The following CDK13 variants were observed in gnomAD, a reference collection of about 807,000 sequenced individuals.
CDK13 encodes cyclin-dependent kinase 13.
Under a neutral mutation model 137.6 loss-of-function variants are expected in CDK13, and 40 were observed. The ratio of observed to expected loss-of-function variants is 0.29; its 90% CI spans 0.23 to 0.38. CDK13 has a LOEUF of 0.38. CDK13 is among the 10% of genes least tolerant of loss of function. CDK13 has a pLI of 1.00. For missense variants in CDK13, 1,704 were observed against 1,951.8 expected (o/e 0.87, Z 2.39); for synonymous variants, 869 against 760.1 (o/e 1.14, Z -2.36).
chr7:40,003,099 T>G (rs1784719135), intron 5 of CDK13, among the ~76,000 whole-genome samples: 1 of 146,520 alleles, frequency 6.8e-6, no homozygotes, highest in Admixed American at 6.9e-5. Context: ...AGAAAAAGAT[T>G]AAAGTAGGTA....
At chr7:40,083,955 A>C (rs1053199922) in intron 11 of CDK13, among the ~76,000 whole-genome samples, 4 of 152,368 alleles carry the variant, frequency 2.6e-5, no homozygotes, top group African/African-American at 7.2e-5. Context: ...ATGAAGAAAT[A>C]CATGGTATTC....
chr7:39,994,952 T>G (rs1293264313), intron 2 of CDK13, among the ~76,000 whole-genome samples: 1 of 152,016 alleles, frequency 6.6e-6, no homozygotes, highest in African/African-American at 2.4e-5. Flanking sequence ...TGGAACTCTA[T>G]TAAATCTAAT....
intron 1 of CDK13, among the ~76,000 whole-genome samples, chr7:39,974,411 A>G (rs1257749868): frequency 1.3e-5 from 2 of 152,050 alleles, no homozygotes; most frequent in Non-Finnish European, 2.9e-5. Flanking sequence ...ATACGTGAAC[A>G]CGGGATGTCT....
chr7:39,966,446 A>G (rs1082024), intron 1 of CDK13, among the ~76,000 whole-genome samples: 151,335 of 152,328 alleles, frequency 0.99, 75,182 homozygotes, highest in East Asian at 1. Context: ...TTGTGCCTTG[A>G]TTTTCAGCTC....
At chr7:40,061,435 C>G (rs1786146344) in intron 7 of CDK13, 4 of 152,056 alleles carry the variant, frequency 2.6e-5, no homozygotes, top group Admixed American at 2.6e-4. Context: ...AGAAATTTGG[C>G]TGGATGGGGG....
At chr7:39,978,443 G>A (rs1167237938) in intron 1 of CDK13, among the ~76,000 whole-genome samples, 2 of 152,070 alleles carry the variant, frequency 1.3e-5, no homozygotes, top group African/African-American at 4.8e-5. Flanking sequence ...AGTGATTTGA[G>A]GATTGAAAGG....
intron 5 of CDK13, among the ~76,000 whole-genome samples, chr7:40,022,053 G>C (rs941648907): frequency 8.5e-5 from 13 of 152,172 alleles, no homozygotes; most frequent in Admixed American, 7.9e-4. Flanking sequence ...TATTTACTTA[G>C]GCAGCTCACT....
rs1320987388 is a variant in CDK13 at position 39,950,333 on chromosome 7, G to A, written c.-309G>A. 1.7e-6 allele frequency: 2 copies of A among 1,150,474 alleles called. No individual in the cohort carries two copies. Among genetic ancestry groups the A allele is most frequent in the Non-Finnish European group, 2.1e-6 (2 of 936,344 alleles). The allele number at this position is 1,150,474 out of a possible 1,614,324, so 71.3% of individuals were successfully genotyped here. ...CCCCCGGGGGCACTTGGAGGACTCG[G>A]GACTCCCCCGCAGGTCAGCGCCCGG... On this transcript the variant is annotated 5_prime_UTR_variant, in exon 1 of 14. Transcript: ENST00000181839.
chr7:39,950,312 CG>C lies in CDK13; in HGVS notation c.-325del. 4 of 1,113,052 alleles carry C rather than the reference CG, an allele frequency of 3.6e-6. No homozygotes were observed. Among genetic ancestry groups the C allele is most frequent in the Non-Finnish European group, 3.3e-6 (3 of 912,316 alleles). The allele number at this position is 1,113,052 out of a possible 1,614,324, so 68.9% of individuals were successfully genotyped here. The stretch of plus-strand genomic sequence containing the variant: ...GCGGCCAAGGCCGCTCCCCCACCCC[CG>C]GGGGCACTTGGAGGACTCGGGACTC... On this transcript the variant is annotated 5_prime_UTR_variant, in exon 1 of 14. Transcript: ENST00000181839.
At chr7:40,046,062 T>G (rs1785732073) in intron 6 of CDK13, 37 bp downstream of exon 6, 1 of 1,260,198 alleles carries the variant, frequency 7.9e-7, no homozygotes. Context: ...TAAAATGAGT[T>G]TTACCATGGA....
chr7:40,034,631 AT>A (rs1458606597), intron 5 of CDK13, among the ~76,000 whole-genome samples: 9 of 152,172 alleles, frequency 5.9e-5, no homozygotes, highest in African/African-American at 1.4e-4. Flanking sequence ...GTACATGTAT[AT>A]TTGCATACTA....
intron 2 of CDK13, among the ~76,000 whole-genome samples, chr7:39,988,778 T>C (rs1365027545): frequency 6.6e-6 from 1 of 152,130 alleles, no homozygotes; most frequent in Non-Finnish European, 1.5e-5. Context: ...AATCACATTA[T>C]ATTATAGAAA....
chr7:40,047,329 TTAAA>T (rs1327030608), intron 6 of CDK13, among the ~76,000 whole-genome samples: 1 of 152,080 alleles, frequency 6.6e-6, no homozygotes. Flanking sequence ...GTTTGTTAAT[TTAAA>T]TAAGGCATGG....
intron 7 of CDK13, among the ~76,000 whole-genome samples, chr7:40,060,507 G>A (rs1438423811): frequency 6.6e-6 from 1 of 152,098 alleles, no homozygotes; most frequent in East Asian, 1.9e-4. Flanking sequence ...AAGTTAGAGG[G>A]CAATATACAT....
At position 39,950,586 on chromosome 7, in the gene CDK13, G is replaced by A; in HGVS notation, c.-56G>A. On this transcript the variant is annotated 5_prime_UTR_variant, in exon 1 of 14. Coordinates refer to ENST00000181839, the MANE Select transcript of CDK13 (RefSeq NM_003718.5). ...CGTTTCCGGCGGGGGAGATGGCCAG[G>A]ATCTGACCCGGGAGGAGGCCGCACC... The A allele has an allele frequency of 7.8e-7, 1 of 1,287,508 alleles. No individual in the cohort carries two copies. Among genetic ancestry groups the A allele is most frequent in the Non-Finnish European group, 9.8e-7 (1 of 1,018,124 alleles). 79.8% of individuals were successfully genotyped at this position (1,287,508 alleles called of 1,614,324 possible). A position where few individuals can be genotyped will look rare whatever the true frequency, so the allele number is the denominator to read the frequency against.
chr7:40,025,697 T>G (rs1290422759), intron 5 of CDK13, among the ~76,000 whole-genome samples: 1 of 152,222 alleles, frequency 6.6e-6, no homozygotes, highest in Non-Finnish European at 1.5e-5. Flanking sequence ...TTCCATAATG[T>G]TTTGGTCATG....
At chr7:40,051,355 T>TG (rs1371067761) in intron 7 of CDK13, among the ~76,000 whole-genome samples, 1 of 152,148 alleles carries the variant, frequency 6.6e-6, no homozygotes, top group Non-Finnish European at 1.5e-5. Flanking sequence ...ATACATATGT[T>TG]GCTCTAGTGA....
intron 1 of CDK13, among the ~76,000 whole-genome samples, chr7:39,954,712 GTAGA>G (rs1787354462): frequency 6.6e-6 from 1 of 152,202 alleles, no homozygotes; most frequent in Non-Finnish European, 1.5e-5. Context: ...AATTGTCAGC[GTAGA>G]TATTTTCAAG....
chr7:40,031,828 G>GTTGTTA (rs1279341093), intron 5 of CDK13, among the ~76,000 whole-genome samples: 9 of 139,108 alleles, frequency 6.5e-5, no homozygotes, highest in African/African-American at 2.1e-4. Context: ...TATTATTATT[G>GTTGTTA]TTATTATTAT....
Sources: allele counts gnomAD v4.1 joint callset (sites outside exome capture counted in the v4.1 genomes callset), GRCh38; gene constraint gnomAD v4.1.1; transcripts MANE v1.5; gene names NCBI Gene and HGNC (gene_info 2026-07-23, HGNC 2026-07-21).